GRID2: variants seen among roughly 807,000 people sequenced by gnomAD.
GRID2 encodes glutamate ionotropic receptor delta type subunit 2.
A neutral mutation model predicts 114.8 loss-of-function variants in GRID2; 33 were observed. That is an observed-to-expected ratio of 0.29 (90% CI 0.22 to 0.38). The LOEUF is 0.38. Ranked by LOEUF, GRID2 falls within the 10% of genes least tolerant of loss-of-function variation. The probability of loss-of-function intolerance (pLI) is 1.00; values close to 1 mark genes in which losing one functional copy is unlikely to be tolerated. For synonymous variants in GRID2, 505 were observed against 449.9 expected (o/e 1.12, Z -1.55); for missense variants, 1,184 against 1,257.7 (o/e 0.94, Z 0.89).
intron 12 of GRID2, among the ~76,000 whole-genome samples, chr4:93,506,846 T>C (rs1728680566): frequency 6.6e-6 from 1 of 152,144 alleles, no homozygotes; most frequent in Non-Finnish European, 1.5e-5. Context: ...TTCCAAAGGC[T>C]TCTGCTGTGT....
At chr4:92,693,020 CAAAAA>C in intron 2 of GRID2, among the ~76,000 whole-genome samples, 1 of 129,122 alleles carries the variant, frequency 7.7e-6, no homozygotes, top group East Asian at 2.2e-4. Context: ...GAAACTGTCT[CAAAAA>C]AAAAAAAAGA....
chr4:92,876,431 A>T (rs1578367004), intron 2 of GRID2, among the ~76,000 whole-genome samples: 1 of 152,106 alleles, frequency 6.6e-6, no homozygotes, highest in East Asian at 1.9e-4. Context: ...CAGCCTCCAG[A>T]GTAGCTGGGA....
intron 1 of GRID2, among the ~76,000 whole-genome samples, chr4:92,424,856 A>C (rs1732080249): frequency 6.6e-6 from 1 of 151,982 alleles, no homozygotes; most frequent in Non-Finnish European, 1.5e-5. Flanking sequence ...TTAAACAAAA[A>C]TTCAAAAGTT....
intron 2 of GRID2, among the ~76,000 whole-genome samples, chr4:92,728,818 T>A (rs1271960091): frequency 1.3e-5 from 2 of 151,990 alleles, no homozygotes; most frequent in Non-Finnish European, 2.9e-5. Flanking sequence ...AATGATAATA[T>A]GGGTTATCAT....
chr4:93,330,561 T>TTAAATATCAAATAAATATCAAAAATCAA (rs1758315674), intron 8 of GRID2, among the ~76,000 whole-genome samples: 2 of 152,176 alleles, frequency 1.3e-5, no homozygotes, highest in Non-Finnish European at 2.9e-5. Context: ...GCCAGCTTAT[T>TTAAATATCAAATAAATATCAAAAATCAA]ATAAATATCA....
At chr4:93,451,792 T>C (rs1560633072) in intron 10 of GRID2, among the ~76,000 whole-genome samples, 1 of 152,028 alleles carries the variant, frequency 6.6e-6, no homozygotes, top group African/African-American at 2.4e-5. Context: ...ATAGATTTGA[T>C]AGGGGGCATA....
At chr4:93,441,058 A>G (rs1005353688) in intron 10 of GRID2, among the ~76,000 whole-genome samples, 3 of 152,096 alleles carry the variant, frequency 2.0e-5, no homozygotes, top group Non-Finnish European at 4.4e-5. Flanking sequence ...TTGGTGGGTT[A>G]CAGCTTATCC....
At chr4:92,881,958 A>G (rs1746052704) in intron 2 of GRID2, among the ~76,000 whole-genome samples, 1 of 152,124 alleles carries the variant, frequency 6.6e-6, no homozygotes, top group African/African-American at 2.4e-5. Flanking sequence ...TTAGGAATTA[A>G]TTTTCTATAC....
intron 1 of GRID2, among the ~76,000 whole-genome samples, chr4:92,359,172 T>C (rs1216810126): frequency 6.6e-6 from 1 of 151,928 alleles, no homozygotes; most frequent in Non-Finnish European, 1.5e-5. Context: ...GATTTTATGG[T>C]CCCTCTTCCT....
chr4:92,776,593 G>A (rs1261891493), intron 2 of GRID2, among the ~76,000 whole-genome samples: 13 of 151,942 alleles, frequency 8.6e-5, no homozygotes, highest in Middle Eastern at 3.2e-3. Context: ...TTGACTGTTC[G>A]TTTTTAACTT....
chr4:93,138,616 A>T (rs1417831014), intron 4 of GRID2, among the ~76,000 whole-genome samples: 2 of 152,076 alleles, frequency 1.3e-5, no homozygotes, highest in Non-Finnish European at 2.9e-5. Context: ...CAGTCATTCA[A>T]TTTTTCAGGC....
At chr4:93,182,440 C>A (rs1458728424) in intron 4 of GRID2, among the ~76,000 whole-genome samples, 1 of 152,084 alleles carries the variant, frequency 6.6e-6, no homozygotes. Context: ...ACTGCATTAT[C>A]AATTCAAATG....
intron 14 of GRID2, among the ~76,000 whole-genome samples, chr4:93,666,352 G>T (rs1365881215): frequency 7.2e-5 from 11 of 151,898 alleles, no homozygotes; most frequent in Non-Finnish European, 1.2e-4. Context: ...CAAAATGAAA[G>T]AAAAAACTGG....
chr4:93,542,934 G>C (rs1156842412), intron 13 of GRID2, among the ~76,000 whole-genome samples: 1 of 151,980 alleles, frequency 6.6e-6, no homozygotes. Flanking sequence ...GGTCATATAT[G>C]AGCTTACAGG....
intron 2 of GRID2, among the ~76,000 whole-genome samples, chr4:92,972,737 C>G (rs527454237): frequency 3.3e-5 from 5 of 151,810 alleles, no homozygotes; most frequent in African/African-American, 1.2e-4. Flanking sequence ...GGTTACTTTT[C>G]CTGATCCTCT....
intron 14 of GRID2, among the ~76,000 whole-genome samples, chr4:93,760,918 C>G (rs886451738): frequency 1.3e-5 from 2 of 152,142 alleles, no homozygotes; most frequent in Non-Finnish European, 2.9e-5. Context: ...GGAAATACAA[C>G]CCTCAGAAGA....
chr4:93,496,692 T>C (rs918963547), intron 12 of GRID2, among the ~76,000 whole-genome samples: 5 of 151,854 alleles, frequency 3.3e-5, no homozygotes, highest in Non-Finnish European at 7.4e-5. Context: ...TCTATCCAAG[T>C]TGTTGTATGT....
At chr4:92,494,562 C>T (rs1000441314) in intron 1 of GRID2, among the ~76,000 whole-genome samples, 2 of 151,894 alleles carry the variant, frequency 1.3e-5, no homozygotes, top group African/African-American at 4.8e-5. Flanking sequence ...TTTATATTCA[C>T]AAATCTGTAA....
chr4:93,429,621 A>G (rs888086857), intron 10 of GRID2, among the ~76,000 whole-genome samples: 30 of 152,208 alleles, frequency 2.0e-4, no homozygotes, highest in African/African-American at 7.0e-4. Flanking sequence ...TTATATGACA[A>G]GAATTTTACT....
Sources: gnomAD v4.1 joint callset for allele counts (sites outside exome capture counted in the v4.1 genomes callset) on GRCh38, gnomAD v4.1.1 for gene constraint, MANE v1.5 for transcripts, NCBI Gene and HGNC (gene_info 2026-07-23, HGNC 2026-07-21) for gene names.